The following ZNF114 variants were observed in gnomAD, a reference collection of about 807,000 sequenced individuals.
ZNF114 encodes zinc finger protein 114, also known as zinc finger protein 114 (Y18).
A neutral mutation model predicts 6.8 loss-of-function variants in ZNF114; 8 were observed. The ratio of observed to expected loss-of-function variants is 1.18; its 90% CI spans 0.69 to 2.13. The LOEUF (loss-of-function observed/expected upper bound fraction) is 2.13. Among genes scored for constraint, ZNF114 ranks in the 30% most tolerant of loss-of-function variants. The pLI, the probability that ZNF114 is intolerant of heterozygous loss-of-function variation, is 0.00. For synonymous variants in ZNF114, 169 were observed against 185.5 expected (o/e 0.91, Z 0.72); for missense variants, 472 against 519.5 (o/e 0.91, Z 0.89).
In ZNF114 at chr19:48,287,073, G is replaced by C; in HGVS notation, c.*195G>C. On this transcript the variant is annotated 3_prime_UTR_variant, in exon 6 of 6. Transcript: ENST00000595607. Reference sequence around the variant, plus strand: ...CTTTCATCTTCATTCATCTTGAGTAGACATTTGTTCTCACCCTGGAGAGAA... The same window carrying C: ...CTTTCATCTTCATTCATCTTGAGTACACATTTGTTCTCACCCTGGAGAGAA... 1 of 510,564 alleles carries C rather than the reference G, an allele frequency of 2.0e-6. No homozygotes were observed. The highest frequency in any genetic ancestry group is 3.2e-6 in the Non-Finnish European group (1 of 308,158). 31.6% of individuals were successfully genotyped at this position (510,564 alleles called of 1,614,324 possible). A position where few individuals can be genotyped will look rare whatever the true frequency, so the allele number is the denominator to read the frequency against.
Position 48,282,489 on chromosome 19 carries a change from C to T in ZNF114, c.128C>T (p.Ala43Val). Reference sequence around the variant, plus strand: ...ATGCTGGAAAATTCTAGGAACTTGGCATTCATAGGTAAGGAGGCCCCCTTC... The same window carrying T: ...ATGCTGGAAAATTCTAGGAACTTGGTATTCATAGGTAAGGAGGCCCCCTTC... ...DVMLENSRNL[A>V]FIDWATPCKT... is the part of the protein sequence containing the mutation. The change falls in exon 5 of 6, where the codon GCA becomes GTA. Residue 43 changes from alanine (A) to valine (V), a missense_variant. Transcript: ENST00000595607. 6.2e-7 allele frequency: 1 copy of T among 1,608,032 alleles called. No individual in the cohort carries two copies. Among genetic ancestry groups the T allele is most frequent in the Non-Finnish European group, 8.5e-7 (1 of 1,175,874 alleles).
intron 3 of ZNF114, among the ~76,000 whole-genome samples, chr19:48,277,030 A>T (rs796663161): frequency 7.9e-5 from 12 of 152,124 alleles, no homozygotes; most frequent in African/African-American, 2.6e-4. Context: ...TGGTGGCCCA[A>T]GCCTGTAATC....
intron 5 of ZNF114, among the ~76,000 whole-genome samples, chr19:48,283,057 C>A (rs1169583865): frequency 6.6e-6 from 1 of 152,090 alleles, no homozygotes; most frequent in African/African-American, 2.4e-5. Flanking sequence ...ACCCTGTCAC[C>A]CAGGCTGGAG....
rs555700682 is a variant in ZNF114, at chr19:48,275,591, T to C, written c.-70+3763T>C. 1.2e-4 allele frequency among the ~76,000 whole-genome samples: 18 copies of C among 149,614 alleles called. No homozygotes were observed. In the East Asian group the frequency reaches 2.8e-3, roughly 23 times the overall value. On this transcript the variant is annotated intron_variant, in intron 3 of 5. Transcript: ENST00000595607. ...TGCCACTGCACTCCAGCCTGGGTGATAGAGCGAGACCTTGTCTTGAAACAT... is the reference window on the plus strand; with the variant it reads ...TGCCACTGCACTCCAGCCTGGGTGACAGAGCGAGACCTTGTCTTGAAACAT...
At chr19:48,279,921 C>G (rs377539628) in intron 4 of ZNF114, 113 bp downstream of exon 4, 4 of 1,509,258 alleles carry the variant, frequency 2.7e-6, no homozygotes, top group South Asian at 1.1e-5. Flanking sequence ...CAGGGCCCCC[C>G]GCCAGCCGTG....
intron 5 of ZNF114, among the ~76,000 whole-genome samples, chr19:48,283,470 C>T (rs80024674): frequency 0.026 from 3,896 of 152,174 alleles, 69 homozygotes; most frequent in Non-Finnish European, 0.041. Context: ...CCAGTCTGCC[C>T]TCTCATTTGG....
chr19:48,287,083 C>A lies in ZNF114; in HGVS notation c.*205C>A. On this transcript the variant is annotated 3_prime_UTR_variant, in exon 6 of 6. Transcript: ENST00000595607. Reference sequence around the variant, plus strand: ...CATTCATCTTGAGTAGACATTTGTTCTCACCCTGGAGAGAAACTGCGAATC... The same window carrying A: ...CATTCATCTTGAGTAGACATTTGTTATCACCCTGGAGAGAAACTGCGAATC... 1 of 466,466 alleles carries A rather than the reference C, an allele frequency of 2.1e-6. No homozygotes were observed. The highest frequency in any genetic ancestry group is 3.6e-6 in the Non-Finnish European group (1 of 277,246). 28.9% of individuals were successfully genotyped at this position (466,466 alleles called of 1,614,324 possible).
At chr19:48,282,307 AG>A (rs1311163606) in intron 4 of ZNF114, 63 bp from the exon 5 acceptor site, 1 of 1,595,324 alleles carries the variant, frequency 6.3e-7, no homozygotes, top group Admixed American at 1.8e-5. Context: ...CTGTGGAGAA[AG>A]GGGTCACAGT....
At chr19:48,277,834 T>TGTGTGTGTG (rs59910115) in intron 3 of ZNF114, among the ~76,000 whole-genome samples, 25 of 149,764 alleles carry the variant, frequency 1.7e-4, no homozygotes, top group East Asian at 3.9e-4. Context: ...TGTGTGTGTG[T>TGTGTGTGTG]TCGTGACGAT....
chr19:48,273,037 T>C (rs934283096), intron 3 of ZNF114, among the ~76,000 whole-genome samples: 6 of 152,260 alleles, frequency 3.9e-5, no homozygotes, highest in African/African-American at 1.4e-4. Context: ...CCTCGTGATC[T>C]GCCCGCCTCG....
intron 3 of ZNF114, among the ~76,000 whole-genome samples, chr19:48,278,558 G>A (rs978091328): frequency 1.3e-5 from 2 of 152,120 alleles, no homozygotes; most frequent in African/African-American, 2.4e-5. Context: ...TTTTATGGCT[G>A]GGTAATATTC....
At chr19:48,280,000 C>T (rs1440958697) in intron 4 of ZNF114, among the ~76,000 whole-genome samples, 192 bp downstream of exon 4, 1 of 152,160 alleles carries the variant, frequency 6.6e-6, no homozygotes, top group Non-Finnish European at 1.5e-5. Flanking sequence ...GGACCACCCC[C>T]ACCCCAGTAC....
intron 3 of ZNF114, among the ~76,000 whole-genome samples, chr19:48,273,161 C>T (rs541530131): frequency 5.9e-5 from 9 of 152,076 alleles, no homozygotes. Context: ...ACTGAGACCT[C>T]AGCAGAGGAA....
At chr19:48,278,491 T>C (rs1028118467) in intron 3 of ZNF114, among the ~76,000 whole-genome samples, 1 of 152,214 alleles carries the variant, frequency 6.6e-6, no homozygotes, top group Non-Finnish European at 1.5e-5. Flanking sequence ...CTTCGTTCAC[T>C]CAGCATCCTG....
chr19:48,279,674 T>A (rs1023665254), intron 3 of ZNF114, 57 bp from the exon 4 acceptor site: 5 of 1,205,792 alleles, frequency 4.1e-6, no homozygotes, highest in Admixed American at 1.8e-5. Flanking sequence ...AGGATCCACA[T>A]ACGAGTGTGG....
rs1040297871 is a variant in ZNF114 at position 48,271,267 on chromosome 19, TCTTTC to T, written c.-350_-346del. The T allele has an allele frequency of 6.6e-6, 1 of 152,128 alleles. No individual in the cohort carries two copies. Among genetic ancestry groups the T allele is most frequent in the Non-Finnish European group, 1.5e-5 (1 of 68,060 alleles). The allele number at this position is 152,128 out of a possible 1,614,324, so 9.4% of individuals were successfully genotyped here. On this transcript the variant is annotated 5_prime_UTR_variant, in exon 2 of 6. Coordinates refer to ENST00000595607, the MANE Select transcript of ZNF114 (RefSeq NM_153608.4). ...CAGTACTGAGGGGAAAAAAAAGCCT[TCTTTC>T]CTTGGGAAATGCAGGAAGCCAGCAA...
At chr19:48,279,509 T>G (rs548200583) in intron 3 of ZNF114, among the ~76,000 whole-genome samples, 1 of 45,622 alleles carries the variant, frequency 2.2e-5, no homozygotes, top group Non-Finnish European at 4.0e-5. Context: ...GGTGGGGGGA[T>G]GGGGTGTGTG....
At chr19:48,280,966 G>T (rs933669422) in intron 4 of ZNF114, among the ~76,000 whole-genome samples, 1 of 152,104 alleles carries the variant, frequency 6.6e-6, no homozygotes, top group Non-Finnish European at 1.5e-5. Context: ...GTCCGGTCGC[G>T]TGACTCAGGT....
intron 3 of ZNF114, among the ~76,000 whole-genome samples, chr19:48,272,366 C>G (rs1266837803): frequency 6.7e-6 from 1 of 149,790 alleles, no homozygotes; most frequent in Non-Finnish European, 1.5e-5. Context: ...GAGCCGAAAT[C>G]GAGCCATTGC....
Sources: gnomAD v4.1 joint callset for allele counts (sites outside exome capture counted in the v4.1 genomes callset) on GRCh38, gnomAD v4.1.1 for gene constraint, MANE v1.5 for transcripts, NCBI Gene and HGNC (gene_info 2026-07-23, HGNC 2026-07-21) for gene names.